RAP1GAP2: variants seen among roughly 807,000 people sequenced by gnomAD.
The protein encoded by RAP1GAP2 is RAP1 GTPase activating protein 2.
A neutral mutation model predicts 95.0 loss-of-function variants in RAP1GAP2; 27 were observed. The observed-to-expected ratio is 0.28, with a 90% confidence interval of 0.21 to 0.39. The LOEUF is 0.39. Among genes scored for constraint, RAP1GAP2 ranks in the 10% least tolerant of loss-of-function variants. The probability of loss-of-function intolerance (pLI) is 1.00; values close to 1 mark genes in which losing one functional copy is unlikely to be tolerated. For missense variants in RAP1GAP2, 771 were observed against 970.0 expected, an observed-to-expected ratio of 0.79 and a Z score of 2.72; for synonymous variants, 373 against 380.9, an observed-to-expected ratio of 0.98 and a Z score of 0.24.
chr17:2,781,708 CTGTG>C (rs946586559), intron 1 of RAP1GAP2, among the ~76,000 whole-genome samples: 3 of 136,004 alleles, frequency 2.2e-5, no homozygotes, highest in Non-Finnish European at 3.2e-5. Context: ...GTGCACGTCT[CTGTG>C]TGAGCACGTC....
chr17:2,832,890 A>G (rs1025452735), intron 2 of RAP1GAP2, among the ~76,000 whole-genome samples: 5 of 151,684 alleles, frequency 3.3e-5, no homozygotes, highest in Admixed American at 3.3e-4. Context: ...GAGGCAGGAG[A>G]CTTGCTGGAA....
At chr17:2,897,489 C>G (rs2041874395) in intron 2 of RAP1GAP2, among the ~76,000 whole-genome samples, 1 of 151,010 alleles carries the variant, frequency 6.6e-6, no homozygotes, top group African/African-American at 2.4e-5. Flanking sequence ...TGGCTCACTG[C>G]AACCTCTGCC....
At chr17:2,808,692 C>A (rs1360990895) in intron 2 of RAP1GAP2, among the ~76,000 whole-genome samples, 1 of 152,238 alleles carries the variant, frequency 6.6e-6, no homozygotes, top group African/African-American at 2.4e-5. Context: ...TAGATACCCT[C>A]CAGGTGGGTC....
At chr17:2,989,487 T>C (rs7218257) in intron 11 of RAP1GAP2, among the ~76,000 whole-genome samples, 95,775 of 151,806 alleles carry the variant, frequency 0.63, 30,665 homozygotes, top group East Asian at 0.77. Context: ...CACGTGCCAC[T>C]ATGCCCAGCT....
chr17:2,780,682 C>G (rs1015021611), intron 1 of RAP1GAP2, among the ~76,000 whole-genome samples: 20 of 152,250 alleles, frequency 1.3e-4, no homozygotes, highest in African/African-American at 4.6e-4. Flanking sequence ...AGGGTCACAC[C>G]CAGCCTATGC....
chr17:2,880,496 G>C lies in RAP1GAP2; in HGVS notation c.81-24788G>C, dbSNP rs560983916. On this transcript the variant is annotated intron_variant, in intron 2 of 24. Coordinates refer to ENST00000254695, the MANE Select transcript of RAP1GAP2 (RefSeq NM_015085.5). ...TGTGGTAAAATACACATCACACACA[G>C]TGTCTCACTTGAATCATTTTAAAGT... Among the ~76,000 whole-genome samples, 4 of 148,980 alleles carry C rather than the reference G, an allele frequency of 2.7e-5. No homozygotes were observed. The East Asian group carries it at 7.8e-4, about 29-fold the overall frequency.
In RAP1GAP2 at chr17:2,903,845, G is replaced by A. The variant is rs910371710; in HGVS notation, c.81-1439G>A. On this transcript the variant is annotated intron_variant, in intron 2 of 24. Transcript: ENST00000254695. This position sits in a 1 kb window ranked among gnomAD's most constrained non-coding sequence, Gnocchi z 4.1. Reference sequence around the variant, plus strand: ...TGTTCTCAGCCTGGTCCTGCTCCGTGGGCTCAGGGAGCCAGGCAGGATGGG... The same window carrying A: ...TGTTCTCAGCCTGGTCCTGCTCCGTAGGCTCAGGGAGCCAGGCAGGATGGG... 1.3e-5 allele frequency among the ~76,000 whole-genome samples: 2 copies of A among 152,176 alleles called. No individual in the cohort carries two copies. Among genetic ancestry groups the A allele is most frequent in the African/African-American group, 4.8e-5 (2 of 41,446 alleles).
intron 12 of RAP1GAP2, among the ~76,000 whole-genome samples, chr17:2,994,127 A>G (rs2151574364): frequency 6.6e-6 from 1 of 152,302 alleles, no homozygotes; most frequent in South Asian, 2.1e-4. Context: ...ATGAAATTCT[A>G]TCCCTTTATT....
At chr17:2,818,991 A>G (rs2070162931) in intron 2 of RAP1GAP2, among the ~76,000 whole-genome samples, 1 of 151,874 alleles carries the variant, frequency 6.6e-6, no homozygotes, top group Admixed American at 6.6e-5. Context: ...ATCGTTCTGC[A>G]TGTGTGTCTG....
In RAP1GAP2 at chr17:2,797,484, C is replaced by T. The variant is rs1332799812; in HGVS notation, c.44+913C>T. 6.6e-6 allele frequency among the ~76,000 whole-genome samples: 1 copy of T among 151,718 alleles called. No homozygotes were observed. Among genetic ancestry groups the T allele is most frequent in the Non-Finnish European group, 1.5e-5 (1 of 67,960 alleles). ...GGCGTTGTCAGACTGGGAGAGGGCC[C>T]CGCGGGAGGTGGCCGGGGGGTGTCC... On this transcript the variant is annotated intron_variant, in intron 1 of 24. Coordinates refer to ENST00000254695, the MANE Select transcript of RAP1GAP2 (RefSeq NM_015085.5). The surrounding 1 kb of genome is among the most constrained non-coding windows in gnomAD (Gnocchi z 5.6).
In RAP1GAP2 at chr17:2,822,627, GTTTTTTTTT is replaced by G. The variant is rs66503004; in HGVS notation, c.80+22092_80+22100del. Among the ~76,000 whole-genome samples the G allele has an allele frequency of 2.2e-3, 276 of 127,854 alleles. 2 individuals carry two copies. Among genetic ancestry groups the G allele is most frequent in the African/African-American group, 7.1e-3 (264 of 37,446 alleles). The allele number at this position is 127,854 out of a possible 152,430, so 83.9% of individuals were successfully genotyped here. A position where few individuals can be genotyped will look rare whatever the true frequency, so the allele number is the denominator to read the frequency against. ...GGACAATAAAACCCTGTTTTTTTTTGTTTTTTTTTTTTTTTTTTTTTTTAAGAAAAGGTG... is the reference window on the plus strand; with the variant it reads ...GGACAATAAAACCCTGTTTTTTTTTGTTTTTTTTTTTTTTAAGAAAAGGTG... On this transcript the variant is annotated intron_variant, in intron 2 of 24. Coordinates refer to ENST00000254695, the MANE Select transcript of RAP1GAP2 (RefSeq NM_015085.5).
chr17:3,026,362 G>A lies in RAP1GAP2; in HGVS notation c.1878G>A (p.Lys626=). ...CTATTCCCTGCAGGCCCTTCATGAAGTTGAAGGAAAACGGCCGTGCCATCT... is the reference window on the plus strand; with the variant it reads ...CTATTCCCTGCAGGCCCTTCATGAAATTGAAGGAAAACGGCCGTGCCATCT... ...ICPNKEKPFM[K]LKENGRAISR... The change falls in exon 21 of 25, where the codon AAG becomes AAA. Residue 626 remains lysine (K), a synonymous_variant. Coordinates refer to ENST00000254695, the MANE Select transcript of RAP1GAP2 (RefSeq NM_015085.5). 4 of 1,551,340 alleles carry A rather than the reference G, an allele frequency of 2.6e-6. No individual in the cohort carries two copies. Among genetic ancestry groups the A allele is most frequent in the African/African-American group, 1.4e-5 (1 of 73,180 alleles).
chr17:2,862,080 G>A (rs1360086831), intron 2 of RAP1GAP2, among the ~76,000 whole-genome samples: 3 of 152,118 alleles, frequency 2.0e-5, no homozygotes, highest in Admixed American at 6.5e-5. Context: ...TCACTTGCCC[G>A]TGTGTAGCTC....
chr17:3,037,542 TTCTTTCC>T lies in RAP1GAP2; in HGVS notation c.*4186_*4192del, dbSNP rs1426905590. On this transcript the variant is annotated 3_prime_UTR_variant, in exon 25 of 25. Coordinates refer to ENST00000254695, the MANE Select transcript of RAP1GAP2 (RefSeq NM_015085.5). ...TGCTCCATGTGACGACGACTTTGCTTTCTTTCCTCTTAGTGAGGAGGTGATTCGTAGA... is the reference window on the plus strand; with the variant it reads ...TGCTCCATGTGACGACGACTTTGCTTTCTTAGTGAGGAGGTGATTCGTAGA... 1 of 152,362 alleles carries T rather than the reference TTCTTTCC, an allele frequency of 6.6e-6. No individual in the cohort carries two copies. Among genetic ancestry groups the T allele is most frequent in the East Asian group, 1.9e-4 (1 of 5,160 alleles). The allele number at this position is 152,362 out of a possible 1,614,324, so 9.4% of individuals were successfully genotyped here.
At chr17:2,770,191 A>G in intron 1 of RAP1GAP2, 1 of 396,062 alleles carries the variant, frequency 2.5e-6, no homozygotes, top group Non-Finnish European at 4.4e-6. Flanking sequence ...CTCTGGAAAC[A>G]GGGCTTTCTG....
At chr17:2,931,509 T>TGCCCCAGCACCCCCTTC (rs1283095858) in intron 3 of RAP1GAP2, among the ~76,000 whole-genome samples, 1 of 152,198 alleles carries the variant, frequency 6.6e-6, no homozygotes, top group Non-Finnish European at 1.5e-5. Flanking sequence ...GGGCCTCGTT[T>TGCCCCAGCACCCCCTTC]GCCCCAGCAC....
intron 4 of RAP1GAP2, among the ~76,000 whole-genome samples, chr17:2,961,930 T>C (rs1167125470): frequency 6.6e-6 from 1 of 150,726 alleles, no homozygotes; most frequent in Non-Finnish European, 1.5e-5. Context: ...GAGACGGAGT[T>C]TCGCTCTTGT....
intron 2 of RAP1GAP2, among the ~76,000 whole-genome samples, chr17:2,841,806 C>T (rs1018446499): frequency 3.3e-5 from 5 of 152,152 alleles, no homozygotes; most frequent in Non-Finnish European, 7.3e-5. Context: ...TCAGACACAG[C>T]GCAGAGGGGC....
At chr17:2,790,978 A>G (rs149651528) in intron 1 of RAP1GAP2, among the ~76,000 whole-genome samples, 154 of 152,272 alleles carry the variant, frequency 1.0e-3, no homozygotes, top group African/African-American at 3.5e-3. Context: ...GCTGAGGTGG[A>G]CGGATCTTTT....
Sources: gnomAD v4.1 joint callset for allele counts (sites outside exome capture counted in the v4.1 genomes callset) on GRCh38, gnomAD v4.1.1 for gene constraint, Gnocchi (gnomAD v3.1) non-coding constraint, MANE v1.5 for transcripts, NCBI Gene and HGNC (gene_info 2026-07-23, HGNC 2026-07-21) for gene names.